Variants in RBM41 observed in about 807,000 individuals in gnomAD.
RBM41 encodes RNA-binding protein 41.
Under a neutral mutation model 30.8 loss-of-function variants are expected in RBM41, and 14 were observed. The ratio of observed to expected loss-of-function variants is 0.45; its 90% CI spans 0.30 to 0.71. The LOEUF (loss-of-function observed/expected upper bound fraction) is 0.71, where lower values mean the gene tolerates loss of function less well. Ranked by LOEUF, RBM41 falls within the 30% of genes least tolerant of loss-of-function variation. The pLI is 0.08. For missense variants in RBM41, 276 were observed against 326.3 expected, an observed-to-expected ratio of 0.85 and a Z score of 1.19; for synonymous variants, 120 against 110.1, an observed-to-expected ratio of 1.09 and a Z score of -0.56.
chrX:107,066,589 G>T lies in RBM41; in HGVS notation c.*938C>A. 2 of 371,849 alleles carry T rather than the reference G, an allele frequency of 5.4e-6. No individual in the cohort carries two copies. Among genetic ancestry groups the T allele is most frequent in the Non-Finnish European group, 6.9e-6 (2 of 291,082 alleles). 30.6% of individuals were successfully genotyped at this position (371,849 alleles called of 1,213,427 possible). ...TCACTTTATAGATGAAAAATGTGAGGCTCAGATTAAGTGACTTGCCAAGGT... is the reference window on the plus strand; with the variant it reads ...TCACTTTATAGATGAAAAATGTGAGTCTCAGATTAAGTGACTTGCCAAGGT... On this transcript the variant is annotated 3_prime_UTR_variant, in exon 8 of 8. Transcript: ENST00000685964.
intron 6 of RBM41, among the ~76,000 whole-genome samples, chrX:107,071,756 T>C (rs943596233): frequency 1.8e-5 from 2 of 111,585 alleles, no homozygotes; most frequent in Non-Finnish European, 3.8e-5. Context: ...TACCTCAACA[T>C]AATAAAGGCC....
intron 6 of RBM41, among the ~76,000 whole-genome samples, chrX:107,076,332 T>C (rs1313517072): frequency 1.0e-5 from 1 of 99,585 alleles, no homozygotes; most frequent in Non-Finnish European, 2.0e-5. Context: ...AATAAATAAA[T>C]AAATAAATAA....
chrX:107,101,947 C>T (rs774847010), intron 5 of RBM41, among the ~76,000 whole-genome samples: 7 of 111,070 alleles, frequency 6.3e-5, no homozygotes, highest in Non-Finnish European at 1.3e-4. Flanking sequence ...GGTAGAAATA[C>T]GGATGTTAAA....
At chrX:107,052,540 G>A in the RBM41 span, among the ~76,000 whole-genome samples, 3 of 111,004 alleles carry the variant, frequency 2.7e-5, no homozygotes, top group Admixed American at 2.9e-4. Flanking sequence ...GCATGGTAGG[G>A]GTTGTGCAGT....
intron 6 of RBM41, among the ~76,000 whole-genome samples, chrX:107,075,461 A>G (rs767109493): frequency 5.3e-5 from 6 of 112,185 alleles, no homozygotes; most frequent in African/African-American, 1.3e-4. Flanking sequence ...ATAGAGTGAA[A>G]AGGCAACCTA....
intron 6 of RBM41, among the ~76,000 whole-genome samples, chrX:107,077,076 A>C (rs927613426): frequency 3.6e-5 from 4 of 111,896 alleles, no homozygotes; most frequent in Non-Finnish European, 5.6e-5. Context: ...GGGTATGTGA[A>C]AACAAACTTC....
chrX:107,110,886 C>T (rs1047233012), intron 5 of RBM41, among the ~76,000 whole-genome samples: 18 of 110,701 alleles, frequency 1.6e-4, no homozygotes, highest in East Asian at 5.6e-4. Context: ...ATACCATATA[C>T]GAAAATTAAC....
At chrX:107,111,608 C>T (rs964553084) in intron 5 of RBM41, among the ~76,000 whole-genome samples, 3 of 111,477 alleles carry the variant, frequency 2.7e-5, no homozygotes, top group Non-Finnish European at 5.7e-5. Context: ...TTCGTAGCAG[C>T]ATTATTCACA....
At chrX:107,118,739 C>A (rs754119296) in intron 1 of RBM41, 27 bp downstream of exon 1, 2 of 1,211,460 alleles carry the variant, frequency 1.7e-6, no homozygotes, top group South Asian at 1.8e-5. Context: ...GCTCCCCTTG[C>A]CGCCTGCTCT....
Position 107,088,839 on chromosome X carries a change from T to C in RBM41, c.596A>G (p.Asp199Gly), listed in dbSNP as rs775519498. The part of the protein sequence containing the change: ...MKRKIKLGTK[D>G]EPQKKNKGDP... ...ACCTTTGTTCTTCTTTTGGGGTTCA[T>C]CTGGATCAAGACAAAGAGATAGGGA... is the stretch of plus-strand genomic sequence containing the variant. The change falls in exon 6 of 8, where the codon GAT (aspartate) becomes GGT (glycine). Residue 199 changes from aspartate (D) to glycine (G), a missense_variant and splice_region_variant. Coordinates refer to ENST00000685964, the MANE Select transcript of RBM41 (RefSeq NM_001324242.2). 2.5e-6 allele frequency: 3 copies of C among 1,197,951 alleles called. No individual in the cohort carries two copies. In the Admixed American group the frequency reaches 6.6e-5, roughly 27 times the overall value.
At chrX:107,116,855 A>T in intron 1 of RBM41, 89 bp from the exon 2 acceptor site, 1 of 895,899 alleles carries the variant, frequency 1.1e-6, no homozygotes, top group Non-Finnish European at 1.5e-6. Flanking sequence ...ACCATTACTG[A>T]CCCCATTTAT....
intron 6 of RBM41, among the ~76,000 whole-genome samples, chrX:107,080,289 A>T (rs942260690): frequency 3.6e-5 from 4 of 111,050 alleles, no homozygotes; most frequent in Non-Finnish European, 5.7e-5. Context: ...AAAAAAAAAA[A>T]AAACTGCAGC....
At chrX:107,060,331 T>C (rs1465742906), downstream of RBM41, among the ~76,000 whole-genome samples, 1 of 110,454 alleles carries the variant, frequency 9.1e-6, no homozygotes, top group East Asian at 2.8e-4. Flanking sequence ...ATCATCAATG[T>C]GATCAATGTG....
rs549429852 is a variant in RBM41, at chrX:107,069,021, G to T, written c.1147+234C>A. Among the ~76,000 whole-genome samples the T allele has an allele frequency of 3.3e-4, 37 of 111,767 alleles. No homozygotes were observed. In the South Asian group the frequency reaches 9.1e-3, roughly 27 times the overall value. ...TGAAGGGAGTACAGATTTTGGTAGG[G>T]TAAGAAGGAAGTACCAAGACTGGGA... is the stretch of plus-strand genomic sequence containing the variant. On this transcript the variant is annotated intron_variant, in intron 7 of 7. Coordinates refer to ENST00000685964, the MANE Select transcript of RBM41 (RefSeq NM_001324242.2).
At chrX:107,073,816 G>A (rs190815310) in intron 6 of RBM41, among the ~76,000 whole-genome samples, 121 of 112,047 alleles carry the variant, frequency 1.1e-3, no homozygotes, top group African/African-American at 3.8e-3. Context: ...GTTATTCAGA[G>A]CAATGTGGAT....
At chrX:107,055,675 G>T in the RBM41 span, among the ~76,000 whole-genome samples, 1 of 112,335 alleles carries the variant, frequency 8.9e-6, no homozygotes, top group Non-Finnish European at 1.9e-5. Context: ...TAATTCTATG[G>T]TTAACTTTTT....
Position 107,116,782 on chromosome X carries a change from G to A in RBM41, c.9-16C>T. 1.7e-6 allele frequency: 2 copies of A among 1,189,959 alleles called. No homozygotes were observed. Among genetic ancestry groups the A allele is most frequent in the Non-Finnish European group, 1.1e-6 (1 of 880,866 alleles). On this transcript the variant is annotated splice_polypyrimidine_tract_variant and intron_variant, in intron 1 of 7. Coordinates refer to ENST00000685964, the MANE Select transcript of RBM41 (RefSeq NM_001324242.2). ...GCTGTTTACCCTGGAGTAGACATAA[G>A]AATATATACAGAAAACGGAAGAGAC...
At chrX:107,103,963 T>C (rs1923704683) in intron 5 of RBM41, among the ~76,000 whole-genome samples, 1 of 111,017 alleles carries the variant, frequency 9.0e-6, no homozygotes, top group South Asian at 3.8e-4. Flanking sequence ...ATTGTCTTTA[T>C]TCCCAATTCC....
intron 1 of RBM41, among the ~76,000 whole-genome samples, chrX:107,117,876 G>A (rs1925009738): frequency 9.0e-6 from 1 of 111,229 alleles, no homozygotes; most frequent in Non-Finnish European, 1.9e-5. Flanking sequence ...TAGTGGATGC[G>A]AACCTTTATT....
Sources: allele counts gnomAD v4.1 joint callset (sites outside exome capture counted in the v4.1 genomes callset), GRCh38; gene constraint gnomAD v4.1.1; transcripts MANE v1.5; gene names NCBI Gene and HGNC (gene_info 2026-07-23, HGNC 2026-07-21).